The following CA10 variants were observed in gnomAD, a reference collection of about 807,000 sequenced individuals.
CA10 encodes the protein carbonic anhydrase-related protein 10.
CA10 carries 14 observed loss-of-function variants against 44.2 expected under a neutral mutation model. That is an observed-to-expected ratio of 0.32 (90% CI 0.21 to 0.50). The LOEUF (loss-of-function observed/expected upper bound fraction) is 0.50. Ranked by LOEUF, CA10 falls within the 20% of genes least tolerant of loss-of-function variation. The probability of loss-of-function intolerance (pLI) is 0.99; values close to 1 mark genes in which losing one functional copy is unlikely to be tolerated. For synonymous variants in CA10, 159 were observed against 141.6 expected (o/e 1.12, Z -0.87); for missense variants, 350 against 409.7 (o/e 0.85, Z 1.26).
At chr17:51,709,620 A>G (rs919278547) in intron 4 of CA10, among the ~76,000 whole-genome samples, 3 of 152,236 alleles carry the variant, frequency 2.0e-5, no homozygotes, top group Admixed American at 2.0e-4. Context: ...AGGGTTGCAA[A>G]GCAACCTAGA....
At chr17:51,651,835 T>A (rs1340469970) in intron 5 of CA10, among the ~76,000 whole-genome samples, 1 of 152,182 alleles carries the variant, frequency 6.6e-6, no homozygotes, top group East Asian at 1.9e-4. Context: ...AGGCAGGATT[T>A]GTGCTGGGAA....
intron 3 of CA10, among the ~76,000 whole-genome samples, chr17:51,888,098 G>C (rs552229855): frequency 6.6e-6 from 1 of 151,918 alleles, no homozygotes; most frequent in Non-Finnish European, 1.5e-5. Flanking sequence ...GTTGAAACTT[G>C]GTAAGTCCCT....
chr17:51,931,912 C>A (rs772259057), intron 2 of CA10, among the ~76,000 whole-genome samples: 16 of 152,088 alleles, frequency 1.1e-4, no homozygotes, highest in Non-Finnish European at 2.1e-4. Flanking sequence ...GGTGGGGAGC[C>A]AACCTACTAA....
At chr17:52,014,494 T>C (rs1985906672) in intron 2 of CA10, among the ~76,000 whole-genome samples, 1 of 152,010 alleles carries the variant, frequency 6.6e-6, no homozygotes, top group African/African-American at 2.4e-5. Flanking sequence ...AATACCAAAA[T>C]GTGAAAAGAA....
rs1041520042 is a variant in CA10 at position 51,703,335 on chromosome 17, T to C, written c.465+44298A>G. On this transcript the variant is annotated intron_variant, in intron 4 of 8. Transcript: ENST00000451037. The stretch of plus-strand genomic sequence containing the variant: ...GAAGTCAGCACATTTGGAATATCAT[T>C]ATCTTTCCATGATAATATCTTTCCA... Among the ~76,000 whole-genome samples, 9 of 152,238 alleles carry C rather than the reference T, an allele frequency of 5.9e-5. No individual in the cohort carries two copies. In the South Asian group the frequency reaches 1.9e-3, roughly 32 times the overall value.
chr17:52,124,356 T>A (rs1347080420), intron 1 of CA10, among the ~76,000 whole-genome samples: 1 of 152,198 alleles, frequency 6.6e-6, no homozygotes, highest in Non-Finnish European at 1.5e-5. Context: ...TTAAGAGTGA[T>A]GACCTCAGAT....
chr17:51,882,138 C>T (rs1054664315), intron 3 of CA10, among the ~76,000 whole-genome samples: 1 of 150,820 alleles, frequency 6.6e-6, no homozygotes, highest in Non-Finnish European at 1.5e-5. Flanking sequence ...GTATGTTATG[C>T]TGTTGGCTAA....
chr17:51,711,919 TCAGA>T (rs781430198), intron 4 of CA10, among the ~76,000 whole-genome samples: 18 of 152,076 alleles, frequency 1.2e-4, no homozygotes, highest in Admixed American at 3.3e-4. Flanking sequence ...TGAGGTGTAA[TCAGA>T]CAAAGTCACA....
intron 3 of CA10, among the ~76,000 whole-genome samples, chr17:51,815,912 C>T (rs1907547678): frequency 6.6e-6 from 1 of 152,040 alleles, no homozygotes; most frequent in South Asian, 2.1e-4. Context: ...AACATTTATC[C>T]TTTGTGTTAC....
chr17:52,060,924 G>A (rs1306771466), intron 2 of CA10, among the ~76,000 whole-genome samples: 1 of 152,092 alleles, frequency 6.6e-6, no homozygotes, highest in African/African-American at 2.4e-5. Context: ...TGGAAAAAGG[G>A]GAGTATGAGT....
At chr17:52,038,156 A>C (rs896437053) in intron 2 of CA10, among the ~76,000 whole-genome samples, 1 of 152,190 alleles carries the variant, frequency 6.6e-6, no homozygotes, top group Non-Finnish European at 1.5e-5. Flanking sequence ...GACAAGCAAA[A>C]GAAAATTAAT....
chr17:52,062,326 A>G lies in CA10; in HGVS notation c.136+9993T>C, dbSNP rs140533466. On this transcript the variant is annotated intron_variant, in intron 2 of 8. Coordinates refer to ENST00000451037, the MANE Select transcript of CA10 (RefSeq NM_020178.5). ...TGTAATTAAAAGGAAAGCAGAATAT[A>G]AAAACATGAAAAATTTACAGTCTAG... is the stretch of plus-strand genomic sequence containing the variant. Among the ~76,000 whole-genome samples, 217 of 152,264 alleles carry G rather than the reference A, an allele frequency of 1.4e-3. 2 individuals carry two copies. Among genetic ancestry groups the G allele is most frequent in the Non-Finnish European group, 2.3e-3 (156 of 68,020 alleles).
chr17:51,885,299 C>T lies in CA10; in HGVS notation c.279+45691G>A, dbSNP rs181855763. Among the ~76,000 whole-genome samples the T allele has an allele frequency of 1.6e-3, 239 of 152,176 alleles. 1 individual carries two copies. The highest frequency in any genetic ancestry group is 4.0e-3 in the African/African-American group (167 of 41,504). On this transcript the variant is annotated intron_variant, in intron 3 of 8. Coordinates refer to ENST00000451037, the MANE Select transcript of CA10 (RefSeq NM_020178.5). ...TGCTAGCTCCTCATGACCAAGAGGA[C>T]GAAGGTCCAAACAATGGATACAGCA...
At chr17:51,912,574 T>C (rs2143953577) in intron 3 of CA10, among the ~76,000 whole-genome samples, 2 of 152,350 alleles carry the variant, frequency 1.3e-5, no homozygotes, top group Admixed American at 1.3e-4. Flanking sequence ...TCAATGATCA[T>C]AAAGCTAAAA....
chr17:51,794,001 C>T lies in CA10; in HGVS notation c.280-46183G>A, dbSNP rs75372438. Among the ~76,000 whole-genome samples the T allele has an allele frequency of 4.6e-3, 703 of 152,298 alleles. 8 individuals carry two copies. Among genetic ancestry groups the T allele is most frequent in the African/African-American group, 0.016 (670 of 41,560 alleles). On this transcript the variant is annotated intron_variant, in intron 3 of 8. Coordinates refer to ENST00000451037, the MANE Select transcript of CA10 (RefSeq NM_020178.5). ...GGCAAATGGTGACTGTGGGACCCAC[C>T]TCTGCAAAGTCAACAGATGCCAGGT...
chr17:52,091,474 T>A (rs940252359), intron 1 of CA10, among the ~76,000 whole-genome samples: 6 of 152,140 alleles, frequency 3.9e-5, no homozygotes, highest in African/African-American at 1.2e-4. Flanking sequence ...CCAAAGGACA[T>A]TGACCGTTTC....
intron 2 of CA10, among the ~76,000 whole-genome samples, chr17:52,038,393 G>T (rs925218047): frequency 1.6e-4 from 24 of 152,210 alleles, no homozygotes; most frequent in Admixed American, 2.6e-4. Context: ...ACCAATTTTT[G>T]CCCAAATAGA....
intron 2 of CA10, among the ~76,000 whole-genome samples, chr17:52,070,774 G>A (rs1987659823): frequency 6.6e-6 from 1 of 152,148 alleles, no homozygotes; most frequent in Non-Finnish European, 1.5e-5. Flanking sequence ...AAGAAAGAAT[G>A]TGACAACAGA....
At chr17:51,737,275 G>T (rs1526187) in intron 4 of CA10, among the ~76,000 whole-genome samples, 1 of 152,096 alleles carries the variant, frequency 6.6e-6, no homozygotes. Context: ...TTATTGTGAG[G>T]ACTGGGTGTG....
Sources: allele counts gnomAD v4.1 joint callset (sites outside exome capture counted in the v4.1 genomes callset), GRCh38; gene constraint gnomAD v4.1.1; transcripts MANE v1.5; gene names NCBI Gene and HGNC (gene_info 2026-07-23, HGNC 2026-07-21).